Variants in ARHGEF33 observed in about 807,000 individuals in gnomAD.
ARHGEF33 encodes the protein DH and coiled-coil domain-containing protein ENSP00000381780.
Under a neutral mutation model 101.9 loss-of-function variants are expected in ARHGEF33, and 72 were observed. The observed-to-expected ratio is 0.71, with a 90% confidence interval of 0.58 to 0.86. The LOEUF (loss-of-function observed/expected upper bound fraction) is 0.86, where lower values mean the gene tolerates loss of function less well. Among genes scored for constraint, ARHGEF33 ranks in the 40% least tolerant of loss-of-function variants. ARHGEF33 has a pLI of 0.00. For synonymous variants in ARHGEF33, 499 were observed against 442.5 expected (o/e 1.13, Z -1.60); for missense variants, 1,169 against 1,111.3 (o/e 1.05, Z -0.74).
Position 38,956,973 on chromosome 2 carries a change from A to G in ARHGEF33, c.1296A>G (p.Val432=), listed in dbSNP as rs1490016258. Residue 432 remains valine (V), a synonymous_variant, in exon 14 of 18, where the codon GTA becomes GTG. Transcript: ENST00000409978. ...LLLVCVQRLR[V]FISHYTLLFQ... Reference sequence around the variant, plus strand: ...TGGTGTGTGTCCAGCGCCTCCGAGTATTTATCTCACACTACACCCTGCTGT... The same window carrying G: ...TGGTGTGTGTCCAGCGCCTCCGAGTGTTTATCTCACACTACACCCTGCTGT... The G allele has an allele frequency of 1.3e-6, 2 of 1,552,296 alleles. No homozygotes were observed. The highest frequency in any genetic ancestry group is 1.7e-6 in the Non-Finnish European group (2 of 1,147,128).
At position 38,921,274 on chromosome 2, in the gene ARHGEF33, A is replaced by G. The variant is rs1017352584; in HGVS notation, c.26-100A>G. 38 of 758,528 alleles carry G rather than the reference A, an allele frequency of 5.0e-5. No individual in the cohort carries two copies. The East Asian group carries it at 7.6e-4, about 15-fold the overall frequency. The allele number at this position is 758,528 out of a possible 1,614,324, so 47.0% of individuals were successfully genotyped here. On this transcript the variant is annotated intron_variant, in intron 3 of 17. Transcript: ENST00000409978. ...ATTGGTTTCTTGTCGTGCGGGCACA[A>G]ATGTAGGATCCTGTAAGTTCCCTTA... is the stretch of plus-strand genomic sequence containing the variant.
intron 2 of ARHGEF33, among the ~76,000 whole-genome samples, chr2:38,898,889 G>C (rs933749230): frequency 6.6e-6 from 1 of 152,088 alleles, no homozygotes; most frequent in Admixed American, 6.5e-5. Context: ...GAAATACAAA[G>C]AATCATTTGG....
Position 38,950,978 on chromosome 2 carries a change from T to A in ARHGEF33, c.921-11T>A, listed in dbSNP as rs1404156239. On this transcript the variant is annotated splice_polypyrimidine_tract_variant and intron_variant, in intron 10 of 17. Transcript: ENST00000409978. Reference sequence around the variant, plus strand: ...CTTGTTTGTGTGATTCCGTCTCTATTCTGTTTCAAGCCTCTTCCCTGGCTC... The same window carrying A: ...CTTGTTTGTGTGATTCCGTCTCTATACTGTTTCAAGCCTCTTCCCTGGCTC... 2 of 1,551,276 alleles carry A rather than the reference T, an allele frequency of 1.3e-6. No homozygotes were observed. The highest frequency in any genetic ancestry group is 3.9e-5 in the Admixed American group (2 of 50,802).
At chr2:38,922,311 G>A (rs1666775816) in intron 4 of ARHGEF33, among the ~76,000 whole-genome samples, 1 of 152,084 alleles carries the variant, frequency 6.6e-6, no homozygotes, top group East Asian at 1.9e-4. Context: ...TTGATCTAAG[G>A]TTTTAAGCCC....
intron 2 of ARHGEF33, among the ~76,000 whole-genome samples, chr2:38,901,690 A>G (rs1666243376): frequency 6.6e-6 from 1 of 152,222 alleles, no homozygotes; most frequent in African/African-American, 2.4e-5. Flanking sequence ...CGTTCCAGAG[A>G]CTAAGCCAGC....
At chr2:38,893,356 C>T (rs1272185379) in intron 1 of ARHGEF33, among the ~76,000 whole-genome samples, 1 of 152,066 alleles carries the variant, frequency 6.6e-6, no homozygotes, top group Non-Finnish European at 1.5e-5. Flanking sequence ...GACAGAGTTT[C>T]ACTATGTTGG....
chr2:38,929,670 C>T (rs757789798), intron 5 of ARHGEF33, 39 bp from the exon 6 acceptor site: 3 of 1,530,650 alleles, frequency 2.0e-6, no homozygotes, highest in Non-Finnish European at 2.7e-6. Flanking sequence ...ACTTTTACCC[C>T]ATGTACCACG....
chr2:38,916,306 GCCGGA>G (rs1391926295), intron 2 of ARHGEF33, among the ~76,000 whole-genome samples: 2 of 152,148 alleles, frequency 1.3e-5, no homozygotes, highest in Non-Finnish European at 2.9e-5. Flanking sequence ...CGTTTTTAAA[GCCGGA>G]TGGCTTTGGG....
At chr2:38,932,577 A>G (rs1350097227) in intron 7 of ARHGEF33, among the ~76,000 whole-genome samples, 3 of 152,198 alleles carry the variant, frequency 2.0e-5, no homozygotes, top group Admixed American at 6.5e-5. Flanking sequence ...GAACAGCTCT[A>G]CATAAAAGGA....
intron 2 of ARHGEF33, among the ~76,000 whole-genome samples, chr2:38,907,613 T>C (rs1476820389): frequency 3.3e-5 from 5 of 152,180 alleles, no homozygotes; most frequent in Non-Finnish European, 5.9e-5. Flanking sequence ...GACTAAAGTT[T>C]TTCCATGTTA....
chr2:38,973,926 C>CTA lies in ARHGEF33; in HGVS notation c.*87_*88dup. 1.4e-6 allele frequency: 1 copy of CTA among 705,558 alleles called. No individual in the cohort carries two copies. The highest frequency in any genetic ancestry group is 1.9e-6 in the Non-Finnish European group (1 of 533,596). The allele number at this position is 705,558 out of a possible 1,614,324, so 43.7% of individuals were successfully genotyped here. On this transcript the variant is annotated 3_prime_UTR_variant, in exon 18 of 18. Transcript: ENST00000409978. ...TCTGTGTAGGAATATATATATATATCTATATCTATATATATATATATATCG... is the reference window on the plus strand; with the variant it reads ...TCTGTGTAGGAATATATATATATATCTATATATCTATATATATATATATATCG...
At chr2:38,894,569 G>T (rs1431796448) in intron 1 of ARHGEF33, among the ~76,000 whole-genome samples, 1 of 152,186 alleles carries the variant, frequency 6.6e-6, no homozygotes, top group Non-Finnish European at 1.5e-5. Flanking sequence ...AGGCCCCCAG[G>T]TTCCTGTCAT....
At chr2:38,957,197 G>T (rs1219497915) in intron 14 of ARHGEF33, 150 bp downstream of exon 14, 2 of 991,410 alleles carry the variant, frequency 2.0e-6, no homozygotes, top group East Asian at 5.3e-5. Context: ...TAGTCAGACT[G>T]GTTATAGGAG....
At chr2:38,943,791 G>GT (rs11323587) in intron 9 of ARHGEF33, 110 bp from the exon 10 acceptor site, 1,679 of 942,744 alleles carry the variant, frequency 1.8e-3, no homozygotes, top group African/African-American at 7.8e-3. Context: ...CTTGCAGATG[G>GT]TTTTTTTTTT....
chr2:38,931,089 T>G lies in ARHGEF33; in HGVS notation c.363-20T>G. ...GATATTAAGAACCAGAATAGCCTTG[T>G]CTTTGTTTCTCTTTCCTAGGAAAAC... On this transcript the variant is annotated intron_variant, in intron 6 of 17. Transcript: ENST00000409978. 1 of 1,536,818 alleles carries G rather than the reference T, an allele frequency of 6.5e-7. No homozygotes were observed. The highest frequency in any genetic ancestry group is 1.2e-5 in the South Asian group (1 of 81,192).
chr2:38,966,265 C>T lies in ARHGEF33; in HGVS notation c.2483+120C>T, dbSNP rs1668050334. The T allele has an allele frequency of 2.3e-6, 3 of 1,293,182 alleles. No individual in the cohort carries two copies. In the East Asian group the frequency reaches 7.7e-5, roughly 33 times the overall value. The allele number at this position is 1,293,182 out of a possible 1,614,324, so 80.1% of individuals were successfully genotyped here. On this transcript the variant is annotated intron_variant, in intron 17 of 17. Transcript: ENST00000409978. ...TCACACAACTGCTTCAAGTACAGTG[C>T]CTGCACCCAGTAGCCACAGTTCCGG... is the stretch of plus-strand genomic sequence containing the variant.
chr2:38,941,247 A>AT (rs1201189827), intron 9 of ARHGEF33, among the ~76,000 whole-genome samples: 2 of 152,172 alleles, frequency 1.3e-5, no homozygotes, highest in Admixed American at 1.3e-4. Flanking sequence ...GGCTATTATC[A>AT]TCCTTGCTTT....
At chr2:38,927,101 T>C (rs117717189) in intron 4 of ARHGEF33, among the ~76,000 whole-genome samples, 2,574 of 152,284 alleles carry the variant, frequency 0.017, 79 homozygotes, top group East Asian at 0.065. Flanking sequence ...ATAGATTGCT[T>C]ATGATGTTTC....
Position 38,973,988 on chromosome 2 carries a change from T to TA in ARHGEF33, c.*146dup. 2.1e-6 allele frequency: 1 copy of TA among 482,452 alleles called. No homozygotes were observed. Among genetic ancestry groups the TA allele is most frequent in the Non-Finnish European group, 2.9e-6 (1 of 350,422 alleles). 29.9% of individuals were successfully genotyped at this position (482,452 alleles called of 1,614,324 possible). On this transcript the variant is annotated 3_prime_UTR_variant, in exon 18 of 18. Transcript: ENST00000409978. ...CCTGAGGAAAACTAATATAAATACT[T>TA]ACATATGAAACTAAACATACAAGAC... is the stretch of plus-strand genomic sequence containing the variant.
Sources: gnomAD v4.1 joint callset for allele counts (sites outside exome capture counted in the v4.1 genomes callset) on GRCh38, gnomAD v4.1.1 for gene constraint, MANE v1.5 for transcripts, NCBI Gene and HGNC (gene_info 2026-07-23, HGNC 2026-07-21) for gene names.